Variants in GULP1 observed in about 807,000 individuals in gnomAD.
GULP1 encodes the protein GULP PTB domain containing engulfment adaptor 1.
Under a neutral mutation model 40.9 loss-of-function variants are expected in GULP1, and 19 were observed. The observed-to-expected ratio is 0.46, with a 90% CI of 0.32 to 0.68. The LOEUF (loss-of-function observed/expected upper bound fraction) is 0.68. Among genes scored for constraint, GULP1 ranks in the 30% least tolerant of loss-of-function variants. GULP1 has a pLI of 0.03. For missense variants in GULP1, 312 were observed against 362.2 expected (o/e 0.86, Z 1.12); for synonymous variants, 119 against 117.6 (o/e 1.01, Z -0.08).
At chr2:188,382,477 C>G (rs775348556) in intron 1 of GULP1, among the ~76,000 whole-genome samples, 34 of 152,198 alleles carry the variant, frequency 2.2e-4, no homozygotes, top group Non-Finnish European at 4.0e-4. Context: ...CTAATATTTC[C>G]TGGGATCATC....
chr2:188,439,399 C>G (rs2057720107), intron 2 of GULP1, among the ~76,000 whole-genome samples: 3 of 151,936 alleles, frequency 2.0e-5, no homozygotes, highest in Middle Eastern at 3.2e-3. Flanking sequence ...CATAAGCAGA[C>G]AAAGACGTAT....
chr2:188,382,986 G>C lies in GULP1; in HGVS notation c.-171-777G>C, dbSNP rs148414589. 4.3e-3 allele frequency among the ~76,000 whole-genome samples: 657 copies of C among 152,178 alleles called. 10 individuals are homozygous for C. The highest frequency in any genetic ancestry group is 0.015 in the African/African-American group (622 of 41,512). On this transcript the variant is annotated intron_variant, in intron 1 of 11. Transcript: ENST00000409830. ...GGCATCATCAATGTCTGTATCAAGG[G>C]GTTTGTATCAAAGTTATGACGGGAA...
intron 2 of GULP1, among the ~76,000 whole-genome samples, chr2:188,386,248 T>C (rs532279022): frequency 6.6e-6 from 1 of 152,130 alleles, no homozygotes; most frequent in South Asian, 2.1e-4. Context: ...GTAGGAAAAC[T>C]CCCATTTTTA....
intron 7 of GULP1, among the ~76,000 whole-genome samples, chr2:188,568,819 G>A (rs1698392680): frequency 6.6e-6 from 1 of 151,924 alleles, no homozygotes; most frequent in African/African-American, 2.4e-5. Flanking sequence ...CTCCTCACAA[G>A]GAAAAGGAAA....
intron 4 of GULP1, among the ~76,000 whole-genome samples, chr2:188,495,903 A>G (rs2062852367): frequency 6.6e-6 from 1 of 152,090 alleles, no homozygotes; most frequent in Non-Finnish European, 1.5e-5. Context: ...TTTTTAGAAT[A>G]TAGCACATTT....
intron 1 of GULP1, among the ~76,000 whole-genome samples, chr2:188,293,608 C>A (rs1173015889): frequency 6.6e-6 from 1 of 152,120 alleles, no homozygotes; most frequent in Non-Finnish European, 1.5e-5. Flanking sequence ...TTCCCTTTTC[C>A]CCCCATATGA....
chr2:188,580,007 T>G (rs7605958), intron 9 of GULP1, among the ~76,000 whole-genome samples: 2 of 152,192 alleles, frequency 1.3e-5, no homozygotes, highest in Non-Finnish European at 2.9e-5. Context: ...ACAGACAGCC[T>G]TATCAATTAA....
intron 1 of GULP1, among the ~76,000 whole-genome samples, chr2:188,308,654 A>C (rs1300230356): frequency 6.6e-6 from 1 of 152,174 alleles, no homozygotes; most frequent in Non-Finnish European, 1.5e-5. Context: ...ATGAGTTATT[A>C]AAGACTTACT....
chr2:188,554,839 T>A (rs1694349802), intron 7 of GULP1, among the ~76,000 whole-genome samples: 1 of 152,098 alleles, frequency 6.6e-6, no homozygotes. Flanking sequence ...CATATATACT[T>A]AGATTTTTTA....
chr2:188,424,064 A>T (rs1320139232), intron 2 of GULP1, among the ~76,000 whole-genome samples: 2 of 151,862 alleles, frequency 1.3e-5, no homozygotes, highest in Non-Finnish European at 2.9e-5. Context: ...TTATTGCAGG[A>T]ATCATTCTCT....
intron 2 of GULP1, among the ~76,000 whole-genome samples, chr2:188,423,195 A>G (rs1428391268): frequency 1.3e-5 from 2 of 152,062 alleles, no homozygotes; most frequent in African/African-American, 2.4e-5. Context: ...CTGTTGCACC[A>G]CACTCAAAAT....
chr2:188,433,439 G>A (rs905528728), intron 2 of GULP1, among the ~76,000 whole-genome samples: 11 of 152,064 alleles, frequency 7.2e-5, no homozygotes, highest in African/African-American at 2.7e-4. Context: ...GAGAGAAAAA[G>A]GCAATGGAGA....
intron 1 of GULP1, among the ~76,000 whole-genome samples, chr2:188,300,237 T>C (rs958844300): frequency 4.6e-5 from 7 of 152,196 alleles, no homozygotes; most frequent in African/African-American, 1.7e-4. Flanking sequence ...GGAGGAGTTA[T>C]GATTTGGCTC....
At chr2:188,333,285 G>A (rs931668114) in intron 1 of GULP1, among the ~76,000 whole-genome samples, 9 of 151,986 alleles carry the variant, frequency 5.9e-5, no homozygotes, top group African/African-American at 2.2e-4. Flanking sequence ...GAAGGGAATG[G>A]CTACAGATAG....
chr2:188,526,214 ATC>A (rs1686126840), intron 5 of GULP1, among the ~76,000 whole-genome samples: 1 of 152,124 alleles, frequency 6.6e-6, no homozygotes, highest in East Asian at 1.9e-4. Context: ...ATCCTTCCCC[ATC>A]ATTTTATGAT....
intron 4 of GULP1, among the ~76,000 whole-genome samples, chr2:188,514,223 T>C (rs1361489716): frequency 6.6e-6 from 1 of 152,210 alleles, no homozygotes; most frequent in Non-Finnish European, 1.5e-5. Context: ...TTGATCTTTC[T>C]TAAATGTATG....
chr2:188,456,674 C>G (rs1445070410), intron 2 of GULP1, among the ~76,000 whole-genome samples: 1 of 152,218 alleles, frequency 6.6e-6, no homozygotes, highest in Non-Finnish European at 1.5e-5. Context: ...AGTTCCCACA[C>G]AGAGTCCCTA....
At chr2:188,329,979 CTT>C (rs2041333590) in intron 1 of GULP1, among the ~76,000 whole-genome samples, 1 of 152,058 alleles carries the variant, frequency 6.6e-6, no homozygotes, top group Non-Finnish European at 1.5e-5. Flanking sequence ...TACCTGTTAA[CTT>C]TGAGATGCGC....
In GULP1 at chr2:188,531,000, G is replaced by A. The variant is rs142501065; in HGVS notation, c.261+1805G>A. Among the ~76,000 whole-genome samples, 606 of 152,262 alleles carry A rather than the reference G, an allele frequency of 4.0e-3. 5 individuals are homozygous for A. The highest frequency in any genetic ancestry group is 0.014 in the African/African-American group (572 of 41,554). ...GGCCTGTTAACAGATTATGAAAAATGTTTCCCACAGGTCTGCAACTTTTCT... is the reference window on the plus strand; with the variant it reads ...GGCCTGTTAACAGATTATGAAAAATATTTCCCACAGGTCTGCAACTTTTCT... On this transcript the variant is annotated intron_variant, in intron 6 of 11. Coordinates refer to ENST00000409830, the MANE Select transcript of GULP1 (RefSeq NM_016315.4).
Sources: gnomAD v4.1 joint callset for allele counts (sites outside exome capture counted in the v4.1 genomes callset) on GRCh38, gnomAD v4.1.1 for gene constraint, MANE v1.5 for transcripts, NCBI Gene and HGNC (gene_info 2026-07-23, HGNC 2026-07-21) for gene names.